The following ATRN variants were observed in gnomAD, a reference collection of about 807,000 sequenced individuals.
ATRN encodes attractin-2.
Under a neutral mutation model 178.7 loss-of-function variants are expected in ATRN, and 54 were observed. That is an observed-to-expected ratio of 0.30 (90% confidence interval 0.24 to 0.38). The LOEUF (loss-of-function observed/expected upper bound fraction) is 0.38, where lower values mean the gene tolerates loss of function less well. ATRN is among the 10% of genes least tolerant of loss of function. The pLI, the probability that ATRN is intolerant of heterozygous loss-of-function variation, is 1.00. For missense variants in ATRN, 1,443 were observed against 1,815.1 expected (o/e 0.79, Z 3.73); for synonymous variants, 636 against 663.0 (o/e 0.96, Z 0.63).
intron 3 of ATRN, among the ~76,000 whole-genome samples, chr20:3,544,986 A>C (rs530063239): frequency 6.6e-6 from 1 of 152,290 alleles, no homozygotes; most frequent in African/African-American, 2.4e-5. Flanking sequence ...AAATAACATC[A>C]ATTAGGCTAA....
chr20:3,627,332 T>G (rs1175723345), intron 25 of ATRN, among the ~76,000 whole-genome samples: 1 of 152,190 alleles, frequency 6.6e-6, no homozygotes, highest in Non-Finnish European at 1.5e-5. Flanking sequence ...TCCAGGTGAT[T>G]CCAATGTGCA....
intron 18 of ATRN, among the ~76,000 whole-genome samples, chr20:3,585,313 G>A (rs967211142): frequency 5.9e-5 from 9 of 152,148 alleles, no homozygotes; most frequent in African/African-American, 2.2e-4. Flanking sequence ...CAGACTGGGA[G>A]AAAATACCTG....
chr20:3,620,605 C>T (rs2086889633), intron 24 of ATRN, among the ~76,000 whole-genome samples: 1 of 152,142 alleles, frequency 6.6e-6, no homozygotes, highest in Admixed American at 6.5e-5. Context: ...AGACTAGCAT[C>T]AGAATCACTG....
chr20:3,561,529 T>C (rs1239086976), intron 8 of ATRN, among the ~76,000 whole-genome samples: 1 of 152,166 alleles, frequency 6.6e-6, no homozygotes, highest in African/African-American at 2.4e-5. Flanking sequence ...AAAAAAAATA[T>C]TTGCCCAGCC....
intron 1 of ATRN, among the ~76,000 whole-genome samples, chr20:3,497,585 G>A (rs2084898481): frequency 6.6e-6 from 1 of 152,102 alleles, no homozygotes; most frequent in Non-Finnish European, 1.5e-5. Flanking sequence ...CTCTCTGGCT[G>A]CCCTTAACAT....
chr20:3,594,702 A>G, intron 20 of ATRN, 130 bp downstream of exon 20: 3 of 694,560 alleles, frequency 4.3e-6, no homozygotes, highest in Non-Finnish European at 6.6e-6. Flanking sequence ...TGGGTTGATT[A>G]GTTTGAAATT....
intron 18 of ATRN, 81 bp downstream of exon 18, chr20:3,584,961 T>A (rs2086337378): frequency 7.6e-7 from 1 of 1,316,532 alleles, no homozygotes; most frequent in African/African-American, 1.4e-5. Flanking sequence ...ACGTTGTGTA[T>A]ATGTAACTCC....
Position 3,591,315 on chromosome 20 carries a change from A to C in ATRN, c.3322+9A>C. On this transcript the variant is annotated intron_variant, in intron 19 of 28. Transcript: ENST00000262919. ...TGGAGGGAAATGTCAGCGTAAGTCAAATTGGTCAGGTTTACTCATGGCAAA... is the reference window on the plus strand; with the variant it reads ...TGGAGGGAAATGTCAGCGTAAGTCACATTGGTCAGGTTTACTCATGGCAAA... The C allele has an allele frequency of 6.2e-7, 1 of 1,613,108 alleles. No homozygotes were observed. Among genetic ancestry groups the C allele is most frequent in the African/African-American group, 1.3e-5 (1 of 75,028 alleles).
intron 16 of ATRN, among the ~76,000 whole-genome samples, chr20:3,582,675 G>A (rs1247884489): frequency 2.6e-5 from 4 of 152,138 alleles, no homozygotes; most frequent in African/African-American, 9.7e-5. Context: ...TATTGGTGTT[G>A]GCAGAGAAAT....
intron 19 of ATRN, among the ~76,000 whole-genome samples, chr20:3,593,517 A>C (rs1370341772): frequency 6.6e-6 from 1 of 152,132 alleles, no homozygotes; most frequent in Non-Finnish European, 1.5e-5. Context: ...GTGACAGAAG[A>C]GCCAAGTAGA....
At chr20:3,471,563 G>A (rs1335414037) in intron 1 of ATRN, 46 bp downstream of exon 1, 22 of 1,366,978 alleles carry the variant, frequency 1.6e-5, no homozygotes, top group Non-Finnish European at 2.1e-5. Context: ...CCAGAGGCTG[G>A]GGCTGAGGGG....
chr20:3,567,573 C>T (rs977525304), intron 11 of ATRN, among the ~76,000 whole-genome samples: 1 of 152,052 alleles, frequency 6.6e-6, no homozygotes, highest in Non-Finnish European at 1.5e-5. Flanking sequence ...TGGCAGGAGA[C>T]CCTGAGGGAG....
intron 1 of ATRN, among the ~76,000 whole-genome samples, chr20:3,501,452 T>C (rs7272018): frequency 0.04 from 6,031 of 152,260 alleles, 159 homozygotes; most frequent in Non-Finnish European, 0.057. Flanking sequence ...GCTTATTTCA[T>C]GTTGGGGTCA....
intron 24 of ATRN, among the ~76,000 whole-genome samples, chr20:3,614,616 T>TTAGTATG (rs756021886): frequency 1.3e-5 from 2 of 152,224 alleles, no homozygotes; most frequent in Non-Finnish European, 2.9e-5. Context: ...TTGGATGTGC[T>TTAGTATG]TTTTTTCTTA....
intron 12 of ATRN, among the ~76,000 whole-genome samples, chr20:3,575,172 C>T (rs899088872): frequency 2.0e-5 from 3 of 152,170 alleles, no homozygotes; most frequent in Non-Finnish European, 2.9e-5. Flanking sequence ...CCATGTTGAC[C>T]AGGCTGGTCT....
intron 1 of ATRN, among the ~76,000 whole-genome samples, chr20:3,527,840 T>A (rs1001544398): frequency 1.3e-5 from 2 of 151,644 alleles, no homozygotes; most frequent in Non-Finnish European, 2.9e-5. Flanking sequence ...ACATTGCATG[T>A]TTTCACTCAT....
intron 1 of ATRN, among the ~76,000 whole-genome samples, chr20:3,502,557 A>C (rs1049203879): frequency 6.6e-6 from 1 of 152,116 alleles, no homozygotes; most frequent in African/African-American, 2.4e-5. Context: ...TCCCCCCGAA[A>C]ACATCTGCCA....
intron 24 of ATRN, among the ~76,000 whole-genome samples, chr20:3,610,742 CTTTTTTTTTTTTTTTT>C (rs71195847): frequency 3.1e-5 from 2 of 65,272 alleles, no homozygotes; most frequent in South Asian, 5.7e-4. Context: ...CTGGCTAATT[CTTTTTTTTTTTTTTTT>C]TTTTTTTTTG....
At chr20:3,623,518 CAG>C (rs1273239946) in intron 24 of ATRN, among the ~76,000 whole-genome samples, 1 of 152,150 alleles carries the variant, frequency 6.6e-6, no homozygotes, top group Non-Finnish European at 1.5e-5. Flanking sequence ...GCTCTAAAAA[CAG>C]TGCAAGGGGT....
Sources: allele counts gnomAD v4.1 joint callset (sites outside exome capture counted in the v4.1 genomes callset), GRCh38; gene constraint gnomAD v4.1.1; transcripts MANE v1.5; gene names NCBI Gene and HGNC (gene_info 2026-07-23, HGNC 2026-07-21).